FAM221B: variants seen among roughly 807,000 people sequenced by gnomAD.
FAM221B encodes protein FAM221B.
FAM221B carries 35 observed loss-of-function variants against 39.8 expected under a neutral mutation model. The ratio of observed to expected loss-of-function variants is 0.88; its 90% CI spans 0.67 to 1.17. The LOEUF (loss-of-function observed/expected upper bound fraction) is 1.17. Ranked by LOEUF, FAM221B falls within the 50% of genes most tolerant of loss-of-function variation. The probability of loss-of-function intolerance (pLI) is 0.00; values close to 1 mark genes in which losing one functional copy is unlikely to be tolerated. For missense variants in FAM221B, 479 were observed against 503.1 expected (o/e 0.95, Z 0.46); for synonymous variants, 158 against 178.1 (o/e 0.89, Z 0.90).
intron 3 of FAM221B, among the ~76,000 whole-genome samples, chr9:35,823,690 T>C (rs1005728059): frequency 6.6e-6 from 1 of 152,188 alleles, no homozygotes; most frequent in Admixed American, 6.5e-5. Flanking sequence ...TTTTTTTTTT[T>C]GAGACATTCT....
intron 4 of FAM221B, 36 bp downstream of exon 4, chr9:35,819,854 T>C (rs772178070): frequency 3.2e-6 from 4 of 1,268,412 alleles, no homozygotes; most frequent in Non-Finnish European, 4.5e-6. Flanking sequence ...CAGTTATTCC[T>C]CCACACTCGA....
At chr9:35,827,749 C>T (rs1022725073) in intron 1 of FAM221B, among the ~76,000 whole-genome samples, 3 of 152,324 alleles carry the variant, frequency 2.0e-5, no homozygotes, top group South Asian at 2.1e-4. Flanking sequence ...CTTAACTTTC[C>T]GTGCTCCCTA....
chr9:35,828,332 A>AACAACTACAACTACTACT lies in FAM221B; in HGVS notation c.-1+130_-1+131insAGTAGTAGTTGTAGTTGT, dbSNP rs1471355172. The AACAACTACAACTACTACT allele has an allele frequency of 9.2e-6, 1 of 108,946 alleles. No homozygotes were observed. The highest frequency in any genetic ancestry group is 3.5e-5 in the African/African-American group (1 of 28,970). 6.7% of individuals were successfully genotyped at this position (108,946 alleles called of 1,614,324 possible). A position where few individuals can be genotyped will look rare whatever the true frequency, so the allele number is the denominator to read the frequency against. ...CAACAACAACAACAACAACAACAACAACTACTACTACTACTACTACTACTA... is the reference window on the plus strand; with the variant it reads ...CAACAACAACAACAACAACAACAACAACAACTACAACTACTACTACTACTACTACTACTACTACTACTA... On this transcript the variant is annotated intron_variant, in intron 1 of 6. Coordinates refer to ENST00000423537, the MANE Select transcript of FAM221B (RefSeq NM_001012446.4). This position sits in a 1 kb window ranked among gnomAD's most constrained non-coding sequence, Gnocchi z 4.5.
In FAM221B at chr9:35,825,654, C is replaced by T. The variant is rs79210384; in HGVS notation, c.508G>A (p.Glu170Lys). 1.8e-3 allele frequency: 2,891 copies of T among 1,614,166 alleles called. 45 individuals are homozygous for T. In the African/African-American group the frequency reaches 0.034, roughly 19 times the overall value. The change falls in exon 2 of 7, where the codon GAA (glutamate) becomes AAA (lysine). Residue 170 changes from glutamate to lysine, a missense_variant. Coordinates refer to ENST00000423537, the MANE Select transcript of FAM221B (RefSeq NM_001012446.4). The surrounding 1 kb of genome is among the most constrained non-coding windows in gnomAD (Gnocchi z 4.2). ...PSSQVQVDTTEKQEEEAGEVE... is the reference protein window; with the variant it reads ...PSSQVQVDTTKKQEEEAGEVE... ...TCTCCTGCTTCTTCCTCCTGCTTTT[C>T]GGTTGTGTCCACTTGGACCTGGGAT...
chr9:35,822,012 A>T (rs1829162182), intron 3 of FAM221B, among the ~76,000 whole-genome samples: 1 of 152,188 alleles, frequency 6.6e-6, no homozygotes, highest in African/African-American at 2.4e-5. Flanking sequence ...GCATGATGAC[A>T]TCTCTTTATG....
In FAM221B at chr9:35,825,044, T is replaced by C. The variant is rs1829292992; in HGVS notation, c.742+186A>G. Among the ~76,000 whole-genome samples the C allele has an allele frequency of 1.3e-5, 2 of 152,198 alleles. No homozygotes were observed. The highest frequency in any genetic ancestry group is 2.9e-5 in the Non-Finnish European group (2 of 68,036). On this transcript the variant is annotated intron_variant, in intron 3 of 6. Coordinates refer to ENST00000423537, the MANE Select transcript of FAM221B (RefSeq NM_001012446.4). This position sits in a 1 kb window ranked among gnomAD's most constrained non-coding sequence, Gnocchi z 4.2. ...TCTCTACCTGGGCTTTATATGAATC[T>C]CCCCACTTTTTGTCTGCATCCACCC...
At chr9:35,823,740 C>A (rs1829204581) in intron 3 of FAM221B, among the ~76,000 whole-genome samples, 1 of 152,106 alleles carries the variant, frequency 6.6e-6, no homozygotes, top group African/African-American at 2.4e-5. Flanking sequence ...TCACGGCTCA[C>A]TGCAGCCTTG....
rs544498652 is a variant in FAM221B at position 35,818,913 on chromosome 9, C to G, written c.1148G>C (p.Arg383Pro). The change falls in exon 6 of 7, where the codon CGG (arginine) becomes CCG (proline). Residue 383 changes from arginine to proline, a missense_variant. Coordinates refer to ENST00000423537, the MANE Select transcript of FAM221B (RefSeq NM_001012446.4). ...ACCGCGAGGCCTTCCTCCTCGTTGCCGGGTCTTCTGGGTGTCAAAGAAAGT... is the reference window on the plus strand; with the variant it reads ...ACCGCGAGGCCTTCCTCCTCGTTGCGGGGTCTTCTGGGTGTCAAAGAAAGT... Reference protein sequence around the residue: ...HETFFDTQKTRQRGGRPRGTD... With the variant: ...HETFFDTQKTPQRGGRPRGTD... The G allele has an allele frequency of 1.3e-6, 2 of 1,551,936 alleles. No individual in the cohort carries two copies. Among genetic ancestry groups the G allele is most frequent in the Non-Finnish European group, 8.7e-7 (1 of 1,147,052 alleles).
In FAM221B at chr9:35,819,271, C is replaced by T; in HGVS notation, c.977G>A (p.Trp326Ter). The stretch of plus-strand genomic sequence containing the variant: ...GTGTTTGCAGCGACATTGGGCCCTC[C>T]AGGCCTTGGGGTCAAAGGTGGCCCG... The part of the protein sequence containing the change: ...KRRATFDPKA[W>*]RAQCRCKHSH... The change falls in exon 5 of 7, where the codon TGG becomes TAG. Residue 326 changes from tryptophan (W) to a stop codon, truncating the protein, a stop_gained. Transcript: ENST00000423537. LOFTEE classifies it high-confidence loss of function. 1.3e-6 allele frequency: 2 copies of T among 1,551,760 alleles called. No homozygotes were observed. The highest frequency in any genetic ancestry group is 2.0e-5 in the Admixed American group (1 of 51,008).
At position 35,819,180 on chromosome 9, in the gene FAM221B, C is replaced by G. The variant is rs1178867607; in HGVS notation, c.1051+17G>C. The G allele has an allele frequency of 6.5e-7, 1 of 1,548,740 alleles. No homozygotes were observed. The highest frequency in any genetic ancestry group is 2.4e-5 in the East Asian group (1 of 40,864). On this transcript the variant is annotated intron_variant, in intron 5 of 6. Transcript: ENST00000423537. ...CACCTACCCTGCTCCCAATACACCT[C>G]TTGCCCTAGAAGTTACCATGATGCC...
In FAM221B at chr9:35,828,450, A is replaced by T; in HGVS notation, c.-1+13T>A. 1.0e-6 allele frequency: 1 copy of T among 984,508 alleles called. No homozygotes were observed. 61.0% of individuals were successfully genotyped at this position (984,508 alleles called of 1,614,324 possible). A position where few individuals can be genotyped will look rare whatever the true frequency, so the allele number is the denominator to read the frequency against. On this transcript the variant is annotated intron_variant, in intron 1 of 6. Coordinates refer to ENST00000423537, the MANE Select transcript of FAM221B (RefSeq NM_001012446.4). This position sits in a 1 kb window ranked among gnomAD's most constrained non-coding sequence, Gnocchi z 4.5. Reference sequence around the variant, plus strand: ...GAGGGAAGAGGGCAAGGGCCGTTGGAGAAACCACCTACCCTCTGGGCTTTG... The same window carrying T: ...GAGGGAAGAGGGCAAGGGCCGTTGGTGAAACCACCTACCCTCTGGGCTTTG...
chr9:35,828,592 G>A lies in FAM221B; in HGVS notation c.-130C>T, dbSNP rs1264547448. The A allele has an allele frequency of 1.0e-6, 1 of 985,402 alleles. No individual in the cohort carries two copies. The highest frequency in any genetic ancestry group is 1.7e-5 in the African/African-American group (1 of 57,196). 61.0% of individuals were successfully genotyped at this position (985,402 alleles called of 1,614,324 possible). A position where few individuals can be genotyped will look rare whatever the true frequency, so the allele number is the denominator to read the frequency against. On this transcript the variant is annotated 5_prime_UTR_variant, in exon 1 of 7. Coordinates refer to ENST00000423537, the MANE Select transcript of FAM221B (RefSeq NM_001012446.4). This position sits in a 1 kb window ranked among gnomAD's most constrained non-coding sequence, Gnocchi z 4.5. ...GATGTGCCTCAGCTGCAGGTGCTGA[G>A]TGTTGAAATGCCTTGCCTGAAAGTC...
At chr9:35,826,285 T>C (rs1282667460) in intron 1 of FAM221B, 124 bp from the exon 2 acceptor site, 3 of 742,772 alleles carry the variant, frequency 4.0e-6, no homozygotes, top group Non-Finnish European at 6.6e-6. Context: ...AGCTGAGATA[T>C]AAGAGGGAAA....
At position 35,818,943 on chromosome 9, in the gene FAM221B, T is replaced by C. The variant is rs1829075484; in HGVS notation, c.1118A>G (p.His373Arg). The C allele has an allele frequency of 6.4e-7, 1 of 1,551,808 alleles. No homozygotes were observed. The highest frequency in any genetic ancestry group is 8.7e-7 in the Non-Finnish European group (1 of 1,147,016). The change falls in exon 6 of 7, where the codon CAC becomes CGC. Residue 373 changes from histidine (H) to arginine (R), a missense_variant. Coordinates refer to ENST00000423537, the MANE Select transcript of FAM221B (RefSeq NM_001012446.4). ...CAACDRRWEE[H>R]ETFFDTQKTR... ...CTTCTGGGTGTCAAAGAAAGTCTCGTGTTCCTCCCAGCGCCGGTCACAGGC... is the reference window on the plus strand; with the variant it reads ...CTTCTGGGTGTCAAAGAAAGTCTCGCGTTCCTCCCAGCGCCGGTCACAGGC...
chr9:35,825,529 A>C lies in FAM221B; in HGVS notation c.598+35T>G. The stretch of plus-strand genomic sequence containing the variant: ...CAGGACAGGGGAGAGGACAGGTACA[A>C]TTACAGCTAACTCCTTTCTTCTTCT... On this transcript the variant is annotated intron_variant, in intron 2 of 6. Transcript: ENST00000423537. The surrounding 1 kb of genome is among the most constrained non-coding windows in gnomAD (Gnocchi z 4.2). 6.3e-7 allele frequency: 1 copy of C among 1,590,232 alleles called. No homozygotes were observed. The highest frequency in any genetic ancestry group is 8.6e-7 in the Non-Finnish European group (1 of 1,166,256).
At position 35,819,871 on chromosome 9, in the gene FAM221B, C is replaced by T. The variant is rs762151974; in HGVS notation, c.853+19G>A. 5 of 1,406,654 alleles carry T rather than the reference C, an allele frequency of 3.6e-6. No individual in the cohort carries two copies. The highest frequency in any genetic ancestry group is 1.8e-5 in the Admixed American group (1 of 54,604). 87.1% of individuals were successfully genotyped at this position (1,406,654 alleles called of 1,614,324 possible). On this transcript the variant is annotated intron_variant, in intron 4 of 6. Coordinates refer to ENST00000423537, the MANE Select transcript of FAM221B (RefSeq NM_001012446.4). The stretch of plus-strand genomic sequence containing the variant: ...GTTATTCCTCCACACTCGAGAGGGG[C>T]TGGTCAGTTCTCCCCTACCTGAGAT...
chr9:35,821,487 G>T (rs1829149699), intron 3 of FAM221B: 1 of 1,367,804 alleles, frequency 7.3e-7, no homozygotes, highest in African/African-American at 1.5e-5. Context: ...TTTTGGCTTT[G>T]CTTCTTCTGT....
In FAM221B at chr9:35,825,232, G is replaced by A. The variant is rs1432131980; in HGVS notation, c.740C>T (p.Thr247Ile). The A allele has an allele frequency of 1.2e-6, 2 of 1,614,086 alleles. No homozygotes were observed. Among genetic ancestry groups the A allele is most frequent in the Admixed American group, 1.7e-5 (1 of 60,008 alleles). The change falls in exon 3 of 7, where the codon ACA (threonine) becomes ATA (isoleucine). Residue 247 changes from threonine to isoleucine, a missense_variant and splice_region_variant. By Grantham distance (89) the Thr-to-Ile change is moderately conservative. Coordinates refer to ENST00000423537, the MANE Select transcript of FAM221B (RefSeq NM_001012446.4). The surrounding 1 kb of genome is among the most constrained non-coding windows in gnomAD (Gnocchi z 4.2). ...TCTGAAAGGCCACATGGGCTCACCT[G>A]TCTGGATGGCATTCAGGGCTGCATC... is the stretch of plus-strand genomic sequence containing the variant. Reference protein sequence around the residue: ...EKDAALNAIQTGLYIGWRCPH... With the variant: ...EKDAALNAIQIGLYIGWRCPH...
chr9:35,819,843 A>G, intron 4 of FAM221B, 47 bp downstream of exon 4: 1 of 1,169,060 alleles, frequency 8.6e-7, no homozygotes, highest in Non-Finnish European at 1.3e-6. Context: ...ATGACAGAGT[A>G]CAGTTATTCC....
Sources: gnomAD v4.1 joint callset for allele counts (sites outside exome capture counted in the v4.1 genomes callset) on GRCh38, gnomAD v4.1.1 for gene constraint, Gnocchi (gnomAD v3.1) non-coding constraint, MANE v1.5 for transcripts, NCBI Gene and HGNC (gene_info 2026-07-23, HGNC 2026-07-21) for gene names.